DDX4: variants seen among roughly 807,000 people sequenced by gnomAD.
DDX4 encodes the protein DEAD-box helicase 4.
Under a neutral mutation model 100.0 loss-of-function variants are expected in DDX4, and 25 were observed. The observed-to-expected ratio is 0.25, with a 90% CI of 0.18 to 0.35. The LOEUF (loss-of-function observed/expected upper bound fraction) is 0.35. DDX4 is among the 10% of genes least tolerant of loss of function. The probability of loss-of-function intolerance (pLI) is 1.00; values close to 1 mark genes in which losing one functional copy is unlikely to be tolerated. For synonymous variants in DDX4, 259 were observed against 275.7 expected (o/e 0.94, Z 0.60); for missense variants, 635 against 882.4 (o/e 0.72, Z 3.55).
chr5:55,768,056 A>G (rs1741039140), intron 7 of DDX4, 116 bp downstream of exon 7: 5 of 922,104 alleles, frequency 5.4e-6, no homozygotes, highest in Non-Finnish European at 7.1e-6. Context: ...GAAGAAAAAT[A>G]CTTTGGTATA....
At chr5:55,805,627 T>A (rs1178370219) in intron 18 of DDX4, among the ~76,000 whole-genome samples, 1 of 152,330 alleles carries the variant, frequency 6.6e-6, no homozygotes, top group Non-Finnish European at 1.5e-5. Flanking sequence ...GGATTACATT[T>A]ATTGATTTGC....
At chr5:55,804,493 T>C (rs535411984) in intron 18 of DDX4, among the ~76,000 whole-genome samples, 10 of 152,350 alleles carry the variant, frequency 6.6e-5, no homozygotes, top group Admixed American at 4.6e-4. Flanking sequence ...TTGAATTGAT[T>C]TTTGTATAAG....
intron 2 of DDX4, among the ~76,000 whole-genome samples, chr5:55,741,146 G>A (rs1758958534): frequency 6.6e-6 from 1 of 152,146 alleles, no homozygotes; most frequent in Non-Finnish European, 1.5e-5. Context: ...TTGTCTTCAT[G>A]AAGTGTTTAA....
At chr5:55,798,666 A>T (rs965137001) in intron 18 of DDX4, 95 bp downstream of exon 18, 3 of 1,242,992 alleles carry the variant, frequency 2.4e-6, no homozygotes, top group Admixed American at 5.6e-5. Context: ...CTGACTTTTC[A>T]TAAGTTTGTT....
chr5:55,798,550 G>A lies in DDX4; in HGVS notation c.1594G>A (p.Val532Ile), dbSNP rs777699581. 1.8e-5 allele frequency: 29 copies of A among 1,608,762 alleles called. No individual in the cohort carries two copies. The highest frequency in any genetic ancestry group is 1.6e-4 in the Middle Eastern group (1 of 6,062). ...CCAGTTCTCAAAAAGAGAAAAGCTCGTTGAAATTCTGCGAAACATAGGTAT... is the reference window on the plus strand; with the variant it reads ...CCAGTTCTCAAAAAGAGAAAAGCTCATTGAAATTCTGCGAAACATAGGTAT... ...VGQFSKREKLVEILRNIGDER... is the reference protein window; with the variant it reads ...VGQFSKREKLIEILRNIGDER... Residue 532 changes from valine (V) to isoleucine (I), a missense_variant, in exon 18 of 22, where the codon GTT (valine) becomes ATT (isoleucine). By Grantham distance (29) the Val-to-Ile change is conservative. Around this residue, in one of 4 missense-constraint regions of DDX4, gnomAD observed 115 missense variants for 224.7 expected, o/e 0.51. Coordinates refer to ENST00000505374, the MANE Select transcript of DDX4 (RefSeq NM_024415.3).
rs3990072 is a variant in DDX4 at position 55,796,823 on chromosome 5, C to CTTTTTTTTTTTTTTTTTTTTTTTTTTT, written c.1470-1595_1470-1569dup. Among the ~76,000 whole-genome samples, 89 of 59,942 alleles carry CTTTTTTTTTTTTTTTTTTTTTTTTTTT rather than the reference C, an allele frequency of 1.5e-3. 13 individuals carry two copies. Among genetic ancestry groups the CTTTTTTTTTTTTTTTTTTTTTTTTTTT allele is most frequent in the South Asian group, 3.6e-3 (4 of 1,118 alleles). 39.3% of individuals were successfully genotyped at this position (59,942 alleles called of 152,430 possible). A position where few individuals can be genotyped will look rare whatever the true frequency, so the allele number is the denominator to read the frequency against. On this transcript the variant is annotated intron_variant, in intron 17 of 21. Transcript: ENST00000505374. ...TTTTCTTTTCTTTTTTTCTTTCTTT[C>CTTTTTTTTTTTTTTTTTTTTTTTTTTT]TTTTTTTTTTTTTTTTTTTTTTTTT...
intron 3 of DDX4, among the ~76,000 whole-genome samples, chr5:55,747,118 C>T (rs1432642583): frequency 6.6e-6 from 1 of 152,142 alleles, no homozygotes; most frequent in Non-Finnish European, 1.5e-5. Flanking sequence ...TATGGTGGCT[C>T]ATGCCTGTAA....
At chr5:55,792,362 A>C (rs529530931) in intron 16 of DDX4, among the ~76,000 whole-genome samples, 5 of 148,572 alleles carry the variant, frequency 3.4e-5, no homozygotes, top group African/African-American at 7.4e-5. Flanking sequence ...TTTTATTTTT[A>C]TTTTTTTCTT....
chr5:55,779,842 A>G lies in DDX4; in HGVS notation c.395-122A>G, dbSNP rs72761932. On this transcript the variant is annotated intron_variant, in intron 7 of 21. Coordinates refer to ENST00000505374, the MANE Select transcript of DDX4 (RefSeq NM_024415.3). ...AAAATGTCATTTCTTTTTGACAACA[A>G]TGCCTTTAAACACTTGTTTAAAGTT... The G allele has an allele frequency of 0.023, 32,092 of 1,371,782 alleles. 474 individuals carry two copies. The highest frequency in any genetic ancestry group is 0.027 in the Middle Eastern group (138 of 5,090). 85.0% of individuals were successfully genotyped at this position (1,371,782 alleles called of 1,614,324 possible).
At chr5:55,755,497 C>G (rs1055454079) in intron 3 of DDX4, among the ~76,000 whole-genome samples, 1 of 152,020 alleles carries the variant, frequency 6.6e-6, no homozygotes, top group South Asian at 2.1e-4. Context: ...CCTTACGTGA[C>G]TCTTTTATTG....
At chr5:55,754,013 C>T (rs1437049608) in intron 3 of DDX4, among the ~76,000 whole-genome samples, 1 of 119,124 alleles carries the variant, frequency 8.4e-6, no homozygotes, top group Admixed American at 9.0e-5. Context: ...GATTTTTGTA[C>T]ATTGATTTTG....
At chr5:55,793,535 G>A (rs1742726108) in intron 17 of DDX4, among the ~76,000 whole-genome samples, 1 of 152,194 alleles carries the variant, frequency 6.6e-6, no homozygotes, top group South Asian at 2.1e-4. Flanking sequence ...CAGGACTCTT[G>A]CTATTTTCTC....
intron 18 of DDX4, among the ~76,000 whole-genome samples, chr5:55,799,576 A>T (rs1282942247): frequency 6.6e-6 from 1 of 151,772 alleles, no homozygotes; most frequent in Non-Finnish European, 1.5e-5. Context: ...GGTTTTTACC[A>T]TGTTGCCCAG....
chr5:55,774,775 G>A (rs1163848346), intron 7 of DDX4, among the ~76,000 whole-genome samples: 1 of 152,152 alleles, frequency 6.6e-6, no homozygotes, highest in Non-Finnish European at 1.5e-5. Context: ...GTTTTATATT[G>A]ATGTGTCTAG....
At chr5:55,756,314 A>G (rs1214197882) in intron 3 of DDX4, among the ~76,000 whole-genome samples, 1 of 152,138 alleles carries the variant, frequency 6.6e-6, no homozygotes, top group Non-Finnish European at 1.5e-5. Flanking sequence ...TGTTTTAATG[A>G]GATCACCAGG....
chr5:55,792,805 A>T lies in DDX4; in HGVS notation c.1467A>T (p.Gln489His), dbSNP rs1283336001. Residue 489 changes from glutamine to histidine, a missense_variant and splice_region_variant, in exon 17 of 22, where the codon CAA (glutamine) becomes CAT (histidine). By Grantham distance (24) the Gln-to-His change is conservative. Transcript: ENST00000505374. Reference sequence around the variant, plus strand: ...GTGCAACTTTTCCAGAGGAAATTCAAAGGTTAAGTTTTTTTCTTAAAAATA... The same window carrying T: ...GTGCAACTTTTCCAGAGGAAATTCATAGGTTAAGTTTTTTTCTTAAAAATA... ...MFSATFPEEI[Q>H]RLAAEFLKSN... The T allele has an allele frequency of 7.1e-7, 1 of 1,401,898 alleles. No individual in the cohort carries two copies. Among genetic ancestry groups the T allele is most frequent in the East Asian group, 2.6e-5 (1 of 37,994 alleles). 86.8% of individuals were successfully genotyped at this position (1,401,898 alleles called of 1,614,324 possible). A position where few individuals can be genotyped will look rare whatever the true frequency, so the allele number is the denominator to read the frequency against.
intron 17 of DDX4, among the ~76,000 whole-genome samples, chr5:55,798,042 A>G (rs1743071876): frequency 1.3e-5 from 2 of 152,252 alleles, no homozygotes; most frequent in South Asian, 4.1e-4. Context: ...AGTGGAGAAC[A>G]GAATTTGTGT....
intron 18 of DDX4, among the ~76,000 whole-genome samples, chr5:55,810,757 A>G (rs574593781): frequency 1.9e-3 from 291 of 152,274 alleles, no homozygotes; most frequent in Non-Finnish European, 2.9e-3. Flanking sequence ...AGAAATCTCA[A>G]AAGTTTTCTG....
intron 7 of DDX4, among the ~76,000 whole-genome samples, chr5:55,774,403 T>G (rs954278978): frequency 2.6e-5 from 4 of 152,166 alleles, no homozygotes; most frequent in African/African-American, 7.2e-5. Context: ...TCTCCCTTCT[T>G]GGCCTTCCAA....
Sources: gnomAD v4.1 joint callset for allele counts (sites outside exome capture counted in the v4.1 genomes callset) on GRCh38, gnomAD v4.1.1 for gene constraint, gnomAD v4.1.1 regional missense constraint, MANE v1.5 for transcripts, NCBI Gene and HGNC (gene_info 2026-07-23, HGNC 2026-07-21) for gene names.